MMP15: variants seen among roughly 807,000 people sequenced by gnomAD.
MMP15 encodes matrix metalloproteinase-15.
In MMP15, 36 loss-of-function variants were observed where a neutral mutation model predicts 65.0. The ratio of observed to expected loss-of-function variants is 0.55; its 90% CI spans 0.42 to 0.73. The LOEUF is 0.73. Ranked by LOEUF, MMP15 falls within the 30% of genes least tolerant of loss-of-function variation. The probability of loss-of-function intolerance (pLI) is 0.00; values close to 1 mark genes in which losing one functional copy is unlikely to be tolerated. For missense variants in MMP15, 870 were observed against 987.8 expected (o/e 0.88, Z 1.60); for synonymous variants, 428 against 410.2 (o/e 1.04, Z -0.52).
At chr16:58,033,946 C>G (rs907566456) in intron 1 of MMP15, among the ~76,000 whole-genome samples, 8 of 152,302 alleles carry the variant, frequency 5.3e-5, no homozygotes, top group Non-Finnish European at 1.2e-4. Flanking sequence ...GTGGCAGGTG[C>G]CCCCCACAGC....
At chr16:58,039,382 A>C (rs2142328901) in intron 3 of MMP15, among the ~76,000 whole-genome samples, 1 of 152,362 alleles carries the variant, frequency 6.6e-6, no homozygotes, top group East Asian at 1.9e-4. Flanking sequence ...CAGTGAGCCG[A>C]GATTGCGCCA....
Position 58,045,447 on chromosome 16 carries a change from C to T in MMP15, c.*1C>T. ...GCGCTCGCTGCAGGAGTGGGTCTGACCACCCAGCGCTCCTGCTAACGGTGC... is the reference window on the plus strand; with the variant it reads ...GCGCTCGCTGCAGGAGTGGGTCTGATCACCCAGCGCTCCTGCTAACGGTGC... On this transcript the variant is annotated 3_prime_UTR_variant, in exon 10 of 10. Coordinates refer to ENST00000219271, the MANE Select transcript of MMP15 (RefSeq NM_002428.4). 6.6e-7 allele frequency: 1 copy of T among 1,515,400 alleles called. No individual in the cohort carries two copies. The highest frequency in any genetic ancestry group is 2.0e-5 in the Admixed American group (1 of 49,070). 93.9% of individuals were successfully genotyped at this position (1,515,400 alleles called of 1,614,324 possible).
intron 1 of MMP15, among the ~76,000 whole-genome samples, chr16:58,033,835 A>C (rs1959280487): frequency 6.6e-6 from 1 of 152,246 alleles, no homozygotes; most frequent in Non-Finnish European, 1.5e-5. Flanking sequence ...CTCAGGAGGC[A>C]GAAGTTGCAG....
At position 58,037,456 on chromosome 16, in the gene MMP15, T is replaced by TG. The variant is rs1458918076; in HGVS notation, c.163-15dup. The TG allele has an allele frequency of 6.2e-7, 1 of 1,612,424 alleles. No individual in the cohort carries two copies. Among genetic ancestry groups the TG allele is most frequent in the African/African-American group, 1.3e-5 (1 of 74,900 alleles). ...CAGTGCCAGGACCTGCTGACAGAGT[T>TG]GCGGCTTCTTTGCAGAACTGGCTGC... On this transcript the variant is annotated splice_polypyrimidine_tract_variant and intron_variant, in intron 1 of 9. Coordinates refer to ENST00000219271, the MANE Select transcript of MMP15 (RefSeq NM_002428.4).
intron 1 of MMP15, among the ~76,000 whole-genome samples, chr16:58,034,857 C>G (rs888685618): frequency 6.6e-6 from 1 of 152,156 alleles, no homozygotes; most frequent in Non-Finnish European, 1.5e-5. Context: ...GCCCCTCTGC[C>G]GGTCTCTGGA....
Position 58,038,294 on chromosome 16 carries a change from C to G in MMP15, c.340C>G (p.Pro114Ala). Residue 114 changes from proline (P) to alanine (A), a missense_variant, in exon 3 of 10, where the codon CCA becomes GCA. By Grantham distance (27) the Pro-to-Ala change is conservative. Transcript: ENST00000219271. ...EWMKRPRCGV[P>A]DQFGVRVKAN... is the part of the protein sequence containing the mutation. ...GATGAAGCGGCCCCGCTGTGGGGTG[C>G]CAGACCAGTTCGGGGTACGAGTGAA... 1 of 1,613,992 alleles carries G rather than the reference C, an allele frequency of 6.2e-7. No homozygotes were observed. The highest frequency in any genetic ancestry group is 8.5e-7 in the Non-Finnish European group (1 of 1,180,008).
chr16:58,031,568 C>A (rs1203026639), intron 1 of MMP15, among the ~76,000 whole-genome samples: 1 of 152,136 alleles, frequency 6.6e-6, no homozygotes, highest in African/African-American at 2.4e-5. Context: ...GGCCAGGGAA[C>A]CCGGTTGTTT....
At position 58,025,803 on chromosome 16, in the gene MMP15, G is replaced by A. The variant is rs1034689932; in HGVS notation, c.-548G>A. On this transcript the variant is annotated 5_prime_UTR_variant, in exon 1 of 10. Coordinates refer to ENST00000219271, the MANE Select transcript of MMP15 (RefSeq NM_002428.4). The stretch of plus-strand genomic sequence containing the variant: ...CCGCGCTGAACTCGCCGGGGACGTC[G>A]GGCGCCCGCTCCTTGGCTGGCTCGC... 2 of 151,762 alleles carry A rather than the reference G, an allele frequency of 1.3e-5. No individual in the cohort carries two copies. Among genetic ancestry groups the A allele is most frequent in the African/African-American group, 2.4e-5 (1 of 41,310 alleles). 9.4% of individuals were successfully genotyped at this position (151,762 alleles called of 1,614,324 possible).
intron 5 of MMP15, among the ~76,000 whole-genome samples, chr16:58,041,093 C>T (rs545892252): frequency 7.9e-5 from 12 of 152,360 alleles, no homozygotes; most frequent in Admixed American, 5.9e-4. Flanking sequence ...TGGTTTGTCA[C>T]TTCCCAGTGG....
At chr16:58,041,258 C>T (rs925099404) in intron 5 of MMP15, among the ~76,000 whole-genome samples, 3 of 152,190 alleles carry the variant, frequency 2.0e-5, no homozygotes, top group Admixed American at 6.5e-5. Flanking sequence ...GGGCACTTGA[C>T]GGGCACCCCT....
At position 58,042,296 on chromosome 16, in the gene MMP15, C is replaced by T. The variant is rs781649506; in HGVS notation, c.1230C>T (p.His410=). 9 of 1,614,140 alleles carry T rather than the reference C, an allele frequency of 5.6e-6. No individual in the cohort carries two copies. The Admixed American group carries it at 1.5e-4, about 27-fold the overall frequency. ...VLDNYPMPIG[H]FWRGLPGDIS... ...ACAACTATCCCATGCCCATCGGGCA[C>T]TTCTGGCGTGGTCTGCCCGGTGACA... The change falls in exon 7 of 10, where the codon CAC becomes CAT. Residue 410 remains histidine, a synonymous_variant. Coordinates refer to ENST00000219271, the MANE Select transcript of MMP15 (RefSeq NM_002428.4).
rs1959435341 is a variant in MMP15 at position 58,040,701 on chromosome 16, G to T, written c.910+3G>T. The T allele has an allele frequency of 1.2e-6, 2 of 1,614,046 alleles. No individual in the cohort carries two copies. Among genetic ancestry groups the T allele is most frequent in the East Asian group, 2.2e-5 (1 of 44,890 alleles). On this transcript the variant is annotated splice_donor_region_variant and intron_variant, in intron 5 of 9. Coordinates refer to ENST00000219271, the MANE Select transcript of MMP15 (RefSeq NM_002428.4). ...CCGTGGCATCCAGCAGCTCTACGGT[G>T]CGTGGGCTGTGACCAGCGGGCTCTG...
At position 58,046,031 on chromosome 16, in the gene MMP15, G is replaced by T. The variant is rs1959557642; in HGVS notation, c.*585G>T. ...ACTTCTGACAGCCTCAGTGACCCTGGCTCCTTGTGCCAGAGAACCCAGCCC... is the reference window on the plus strand; with the variant it reads ...ACTTCTGACAGCCTCAGTGACCCTGTCTCCTTGTGCCAGAGAACCCAGCCC... On this transcript the variant is annotated 3_prime_UTR_variant, in exon 10 of 10. Coordinates refer to ENST00000219271, the MANE Select transcript of MMP15 (RefSeq NM_002428.4). The T allele has an allele frequency of 6.5e-6, 1 of 152,960 alleles. No individual in the cohort carries two copies. The highest frequency in any genetic ancestry group is 1.5e-5 in the Non-Finnish European group (1 of 68,576). The allele number at this position is 152,960 out of a possible 1,614,324, so 9.5% of individuals were successfully genotyped here. A position where few individuals can be genotyped will look rare whatever the true frequency, so the allele number is the denominator to read the frequency against.
In MMP15 at chr16:58,026,617, CCT is replaced by C. The variant is rs555033927; in HGVS notation, c.162+106_162+107del. ...AGGTGGAGGGAGCGGAGACGCGCCC[CCT>C]GTTCTGGGCCGTGGCGGGGAAGCAA... On this transcript the variant is annotated intron_variant, in intron 1 of 9. Transcript: ENST00000219271. 4.3e-4 allele frequency: 518 copies of C among 1,212,302 alleles called. 10 individuals are homozygous for C. The South Asian group carries it at 0.012, about 27-fold the overall frequency. The allele number at this position is 1,212,302 out of a possible 1,614,324, so 75.1% of individuals were successfully genotyped here. A position where few individuals can be genotyped will look rare whatever the true frequency, so the allele number is the denominator to read the frequency against.
At chr16:58,041,924 G>C in intron 6 of MMP15, 54 bp downstream of exon 6, 1 of 1,523,560 alleles carries the variant, frequency 6.6e-7, no homozygotes, top group Non-Finnish European at 8.8e-7. Context: ...GCTGCTCTGG[G>C]CCCCCTGTCC....
chr16:58,037,795 T>C (rs1185282177), intron 2 of MMP15, among the ~76,000 whole-genome samples, 175 bp downstream of exon 2: 1 of 152,180 alleles, frequency 6.6e-6, no homozygotes, highest in Non-Finnish European at 1.5e-5. Flanking sequence ...AAGCCTTGTA[T>C]TGAGAAAGCT....
At position 58,041,755 on chromosome 16, in the gene MMP15, C is replaced by T. The variant is rs41335851; in HGVS notation, c.1049C>T (p.Pro350Leu). The T allele has an allele frequency of 6.2e-5, 100 of 1,602,588 alleles. 1 individual carries two copies. The East Asian group carries it at 1.5e-3, about 23-fold the overall frequency. The change falls in exon 6 of 10, where the codon CCG becomes CTG. Residue 350 changes from proline to leucine, a missense_variant. By Grantham distance (98) the Pro-to-Leu change is moderately conservative. Transcript: ENST00000219271. ...PGGKPERPPK[P>L]GPPVQPRATE... is the part of the protein sequence containing the mutation. ...GGGAAGCCAGAGCGGCCCCCAAAGC[C>T]GGGCCCCCCAGTCCAGCCCCGAGCC...
intron 7 of MMP15, among the ~76,000 whole-genome samples, 164 bp from the exon 8 acceptor site, chr16:58,043,046 A>G (rs868202820): frequency 2.6e-5 from 4 of 152,078 alleles, no homozygotes; most frequent in Non-Finnish European, 5.9e-5. Context: ...TGCCTCAGGT[A>G]TCCATGAGTG....
intron 1 of MMP15, among the ~76,000 whole-genome samples, chr16:58,035,041 G>A (rs940246287): frequency 1.6e-4 from 24 of 152,036 alleles, no homozygotes; most frequent in Admixed American, 3.9e-4. Context: ...ATGTAGAGGT[G>A]CCCTCATCTG....
Sources: gnomAD v4.1 joint callset for allele counts (sites outside exome capture counted in the v4.1 genomes callset) on GRCh38, gnomAD v4.1.1 for gene constraint, MANE v1.5 for transcripts, NCBI Gene and HGNC (gene_info 2026-07-23, HGNC 2026-07-21) for gene names.